TRIM28: variants seen among roughly 807,000 people sequenced by gnomAD.
The protein encoded by TRIM28 is transcription intermediary factor 1-beta.
TRIM28 carries 8 observed loss-of-function variants against 87.4 expected under a neutral mutation model. That is an observed-to-expected ratio of 0.09 (90% CI 0.05 to 0.17). The LOEUF is 0.17. Among genes scored for constraint, TRIM28 ranks in the 10% least tolerant of loss-of-function variants. TRIM28 has a pLI of 1.00. For synonymous variants in TRIM28, 601 were observed against 454.3 expected, an observed-to-expected ratio of 1.32 and a Z score of -4.11; for missense variants, 968 against 1,131.8, an observed-to-expected ratio of 0.86 and a Z score of 2.08.
intron 6 of TRIM28, 60 bp downstream of exon 6, chr19:58,547,966 CTG>C: frequency 6.2e-7 from 1 of 1,613,346 alleles, no homozygotes; most frequent in Non-Finnish European, 8.5e-7. Flanking sequence ...ATGATGCTGT[CTG>C]GGGTGAGGAG....
At position 58,547,720 on chromosome 19, in the gene TRIM28, G is replaced by A; in HGVS notation, c.839+7G>A. 6.2e-7 allele frequency: 1 copy of A among 1,614,116 alleles called. No individual in the cohort carries two copies. The highest frequency in any genetic ancestry group is 8.5e-7 in the Non-Finnish European group (1 of 1,180,026). ...CCAAGGAGGTTCGCAGCTCGTAAGT[G>A]TGGGTTCTGGGGCTGTGGGGGTGGC... On this transcript the variant is annotated splice_region_variant and intron_variant, in intron 5 of 16. Transcript: ENST00000253024.
intron 1 of TRIM28, 91 bp from the exon 2 acceptor site, chr19:58,545,334 A>G: frequency 3.7e-6 from 4 of 1,091,662 alleles, no homozygotes; most frequent in Non-Finnish European, 5.4e-6. Flanking sequence ...GCTGCGGGAT[A>G]ATGGTCGGGG....
chr19:58,545,366 T>G (rs1600079626), intron 1 of TRIM28, 59 bp from the exon 2 acceptor site: 1 of 1,371,126 alleles, frequency 7.3e-7, no homozygotes, highest in East Asian at 2.3e-5. Flanking sequence ...AGGGGAATGG[T>G]GGGGGCCATA....
chr19:58,548,243 C>T lies in TRIM28; in HGVS notation c.1102-51C>T, dbSNP rs1225599816. ...CAGGTGGTTCCCAATACCTCAAATC[C>T]CTATTTGTTGTTGGTGTGCTCATTC... On this transcript the variant is annotated intron_variant, in intron 7 of 16. Coordinates refer to ENST00000253024, the MANE Select transcript of TRIM28 (RefSeq NM_005762.3). The T allele has an allele frequency of 5.6e-6, 9 of 1,613,442 alleles. No homozygotes were observed. In the African/African-American group the frequency reaches 6.7e-5, roughly 12 times the overall value.
chr19:58,545,207 G>C lies in TRIM28; in HGVS notation c.340+110G>C, dbSNP rs1357989357. The C allele has an allele frequency of 4.6e-6, 5 of 1,094,694 alleles. No individual in the cohort carries two copies. The African/African-American group carries it at 8.0e-5, about 17-fold the overall frequency. 67.8% of individuals were successfully genotyped at this position (1,094,694 alleles called of 1,614,324 possible). On this transcript the variant is annotated intron_variant, in intron 1 of 16. Coordinates refer to ENST00000253024, the MANE Select transcript of TRIM28 (RefSeq NM_005762.3). ...GGCGAGAGGATGGGGGCCCGGACAG[G>C]GCACGGGAAATACTTTCTGGGTCCT... is the stretch of plus-strand genomic sequence containing the variant.
Position 58,548,480 on chromosome 19 carries a change from T to C in TRIM28, c.1217-6T>C. 1 of 1,614,100 alleles carries C rather than the reference T, an allele frequency of 6.2e-7. No homozygotes were observed. The highest frequency in any genetic ancestry group is 8.5e-7 in the Non-Finnish European group (1 of 1,180,006). ...ACCTACTTACGTTTCTCTCTTCTTT[T>C]TGCAGGCAAGATTGTGGCAGAGCGT... On this transcript the variant is annotated splice_polypyrimidine_tract_variant and splice_region_variant and intron_variant, in intron 8 of 16. Coordinates refer to ENST00000253024, the MANE Select transcript of TRIM28 (RefSeq NM_005762.3).
chr19:58,549,666 GT>G lies in TRIM28; in HGVS notation c.1982+17del. On this transcript the variant is annotated intron_variant, in intron 13 of 16. Transcript: ENST00000253024. The surrounding 1 kb of genome is among the most constrained non-coding windows in gnomAD (Gnocchi z 4.4). The stretch of plus-strand genomic sequence containing the variant: ...ATGTACCAGGGTGAGTGTGAGGCTG[GT>G]GGGGGTCAAGTCTGGGTGTTGGGCT... The G allele has an allele frequency of 6.2e-7, 1 of 1,606,154 alleles. No homozygotes were observed. The highest frequency in any genetic ancestry group is 8.5e-7 in the Non-Finnish European group (1 of 1,174,008).
Position 58,547,885 on chromosome 19 carries a change from T to C in TRIM28, c.933T>C (p.Arg311=). ...TGAAGGAGCTGAATAAGCGGGGCCG[T>C]GTGCTGGTCAATGATGCCCAGGTAA... is the stretch of plus-strand genomic sequence containing the variant. ...QIMKELNKRG[R]VLVNDAQKVT... Residue 311 remains arginine (R), a synonymous_variant, in exon 6 of 17, where the codon CGT becomes CGC. Transcript: ENST00000253024. The C allele has an allele frequency of 6.2e-7, 1 of 1,614,084 alleles. No homozygotes were observed. The highest frequency in any genetic ancestry group is 1.1e-5 in the South Asian group (1 of 91,084).
rs2053778083 is a variant in TRIM28 at position 58,548,165 on chromosome 19, G to A, written c.1086G>A (p.Leu362=). The A allele has an allele frequency of 1.9e-6, 3 of 1,614,058 alleles. No individual in the cohort carries two copies. The highest frequency in any genetic ancestry group is 2.5e-6 in the Non-Finnish European group (3 of 1,180,012). ...ALESDNNTAL[L]LSKKLIYFQL... ...AGAGTGACAACAACACAGCCCTTTT[G>A]CTTTCTAAGAAGTTGGTGTGTACTG... is the stretch of plus-strand genomic sequence containing the variant. Residue 362 remains leucine (L), a synonymous_variant, in exon 7 of 17, where the codon TTG becomes TTA. Transcript: ENST00000253024.
In TRIM28 at chr19:58,547,724, G is replaced by T. The variant is rs1353431379; in HGVS notation, c.839+11G>T. Reference sequence around the variant, plus strand: ...GGAGGTTCGCAGCTCGTAAGTGTGGGTTCTGGGGCTGTGGGGGTGGCCCAG... The same window carrying T: ...GGAGGTTCGCAGCTCGTAAGTGTGGTTTCTGGGGCTGTGGGGGTGGCCCAG... On this transcript the variant is annotated intron_variant, in intron 5 of 16. Transcript: ENST00000253024. 1 of 1,613,960 alleles carries T rather than the reference G, an allele frequency of 6.2e-7. No individual in the cohort carries two copies. The highest frequency in any genetic ancestry group is 8.5e-7 in the Non-Finnish European group (1 of 1,179,990).
intron 3 of TRIM28, chr19:58,547,175 C>T (rs2053768705): frequency 3.2e-6 from 2 of 615,614 alleles, no homozygotes; most frequent in Non-Finnish European, 5.7e-6. Flanking sequence ...ATGTGTTTCT[C>T]AGCTATGTTG....
rs776900065 is a variant in TRIM28, at chr19:58,549,731, C to T, written c.1983-6C>T. 3.1e-6 allele frequency: 5 copies of T among 1,605,368 alleles called. No homozygotes were observed. The African/African-American group carries it at 5.4e-5, about 17-fold the overall frequency. Reference sequence around the variant, plus strand: ...CATGTGCAGACCCTTATTTTCTTCACCCTAGGGAGGAGTGGAGCTGCTCAC... The same window carrying T: ...CATGTGCAGACCCTTATTTTCTTCATCCTAGGGAGGAGTGGAGCTGCTCAC... On this transcript the variant is annotated splice_polypyrimidine_tract_variant and splice_region_variant and intron_variant, in intron 13 of 16. Transcript: ENST00000253024. This position sits in a 1 kb window ranked among gnomAD's most constrained non-coding sequence, Gnocchi z 4.4.
chr19:58,545,629 C>A, intron 2 of TRIM28, 92 bp downstream of exon 2: 1 of 1,497,124 alleles, frequency 6.7e-7, no homozygotes, highest in Non-Finnish European at 9.2e-7. Context: ...TGTTACTCCA[C>A]TTTCCCAAGG....
At chr19:58,547,101 T>C in intron 3 of TRIM28, 1 of 408,270 alleles carries the variant, frequency 2.4e-6, no homozygotes, top group South Asian at 3.3e-5. Context: ...GGTGGTCCTC[T>C]TTTTCTAGAC....
Position 58,547,524 on chromosome 19 carries a change from G to A in TRIM28, c.722+13G>A. ...ACAAGGACCACCAGTGAGTCCCAAG[G>A]CATAGTGGTTGGGTGGGTGGGTGCC... On this transcript the variant is annotated intron_variant, in intron 4 of 16. Transcript: ENST00000253024. The A allele has an allele frequency of 1.2e-6, 2 of 1,613,892 alleles. No homozygotes were observed. Among genetic ancestry groups the A allele is most frequent in the Non-Finnish European group, 1.7e-6 (2 of 1,179,872 alleles).
Position 58,550,388 on chromosome 19 carries a change from C to T in TRIM28, c.2343C>T (p.Asp781=), listed in dbSNP as rs150992249. Residue 781 remains aspartate (D), a synonymous_variant, in exon 17 of 17, where the codon GAC becomes GAT. Transcript: ENST00000253024. The stretch of plus-strand genomic sequence containing the variant: ...CCTGCTTGGCCCAGGACAAGGCAGA[C>T]GTGCAGTCCATCATCGGCCTGCAGC... The part of the protein sequence containing the change: ...QFNKLTEDKA[D]VQSIIGLQRF... 7.4e-5 allele frequency: 119 copies of T among 1,613,836 alleles called. No individual in the cohort carries two copies. Among genetic ancestry groups the T allele is most frequent in the African/African-American group, 3.5e-4 (26 of 74,924 alleles).
chr19:58,545,198 C>A, intron 1 of TRIM28, 101 bp downstream of exon 1: 1 of 1,142,218 alleles, frequency 8.8e-7, no homozygotes, highest in Non-Finnish European at 1.2e-6. Flanking sequence ...AGGATGGGGG[C>A]CCGGACAGGG....
chr19:58,549,997 C>T lies in TRIM28; in HGVS notation c.2155C>T (p.Pro719Ser). 1 of 1,614,084 alleles carries T rather than the reference C, an allele frequency of 6.2e-7. No individual in the cohort carries two copies. The highest frequency in any genetic ancestry group is 8.5e-7 in the Non-Finnish European group (1 of 1,180,006). Reference sequence around the variant, plus strand: ...CCTATTCTGTCACGAACCCTGCCGCCCCCTGCATCAGCTGGCTACCGACTC... The same window carrying T: ...CCTATTCTGTCACGAACCCTGCCGCTCCCTGCATCAGCTGGCTACCGACTC... ...LALFCHEPCRPLHQLATDSTF... is the reference protein window; with the variant it reads ...LALFCHEPCRSLHQLATDSTF... Residue 719 changes from proline to serine, a missense_variant, in exon 15 of 17, where the codon CCC becomes TCC. Around this residue, in one of 11 missense-constraint regions of TRIM28, gnomAD observed 192 missense variants for 225.6 expected, o/e 0.85. Transcript: ENST00000253024. This position sits in a 1 kb window ranked among gnomAD's most constrained non-coding sequence, Gnocchi z 4.4.
At chr19:58,546,616 C>A (rs887348596) in intron 3 of TRIM28, among the ~76,000 whole-genome samples, 2 of 152,158 alleles carry the variant, frequency 1.3e-5, no homozygotes, top group Admixed American at 6.5e-5. Context: ...ACATTCCAGA[C>A]GTCCCAGGCA....
Sources: gnomAD v4.1 joint callset for allele counts (sites outside exome capture counted in the v4.1 genomes callset) on GRCh38, gnomAD v4.1.1 for gene constraint, gnomAD v4.1.1 regional missense constraint, Gnocchi (gnomAD v3.1) non-coding constraint, MANE v1.5 for transcripts, NCBI Gene and HGNC (gene_info 2026-07-23, HGNC 2026-07-21) for gene names.